PACRGL: variants seen among roughly 807,000 people sequenced by gnomAD.
PACRGL encodes the protein parkin coregulated like.
A neutral mutation model predicts 34.5 loss-of-function variants in PACRGL; 38 were observed. That is an observed-to-expected ratio of 1.10 (90% CI 0.85 to 1.44). The LOEUF is 1.44. Ranked by LOEUF, PACRGL falls within the 40% of genes most tolerant of loss-of-function variation. The pLI is 0.00. For missense variants in PACRGL, 305 were observed against 281.4 expected (o/e 1.08, Z -0.60); for synonymous variants, 128 against 100.1 (o/e 1.28, Z -1.66).
chr4:20,697,772 T>C (rs1731303544), upstream of PACRGL, among the ~76,000 whole-genome samples: 1 of 152,218 alleles, frequency 6.6e-6, no homozygotes, highest in Non-Finnish European at 1.5e-5. Context: ...GACTACTTTC[T>C]GGTTCACAGA....
downstream of PACRGL, chr4:20,732,926 G>A: frequency 1.7e-6 from 1 of 581,886 alleles, no homozygotes; most frequent in Non-Finnish European, 3.0e-6. Context: ...ACTGTTGGTT[G>A]TCCCAAAGGA....
chr4:20,748,595 T>C (rs1278157610), intron 8 of PACRGL, among the ~76,000 whole-genome samples: 1 of 108,306 alleles, frequency 9.2e-6, no homozygotes, highest in Non-Finnish European at 2.0e-5. Context: ...TATATATATA[T>C]ATATATATAT....
downstream of PACRGL, chr4:20,734,832 C>T (rs149194931): frequency 0.013 from 7,497 of 591,404 alleles, 163 homozygotes; most frequent in South Asian, 0.068. Context: ...CCCTCTGGAT[C>T]TTGAACATTT....
intron 7 of PACRGL, among the ~76,000 whole-genome samples, chr4:20,718,278 G>A (rs571460111): frequency 1.1e-3 from 174 of 152,138 alleles, no homozygotes; most frequent in Non-Finnish European, 1.9e-3. Flanking sequence ...ATCTGCAAAC[G>A]GGGACAATTT....
At position 20,728,542 on chromosome 4, in the gene PACRGL, T is replaced by TAGAAAGTACTGTAAGATTTAATTAATTAC. The variant is rs1344107513; in HGVS notation, c.*1203_*1231dup. On this transcript the variant is annotated 3_prime_UTR_variant, in exon 9 of 9. Coordinates refer to ENST00000503585, the MANE Select transcript of PACRGL (RefSeq NM_001258345.3). The stretch of plus-strand genomic sequence containing the variant: ...GCACCATCCAGAGCTATCTGCCATC[T>TAGAAAGTACTGTAAGATTTAATTAATTAC]AGAAAGTACTGTAAGATTTAATTAA... 6.6e-6 allele frequency: 1 copy of TAGAAAGTACTGTAAGATTTAATTAATTAC among 152,430 alleles called. No individual in the cohort carries two copies. Among genetic ancestry groups the TAGAAAGTACTGTAAGATTTAATTAATTAC allele is most frequent in the African/African-American group, 2.4e-5 (1 of 41,458 alleles). 9.4% of individuals were successfully genotyped at this position (152,430 alleles called of 1,614,324 possible). A position where few individuals can be genotyped will look rare whatever the true frequency, so the allele number is the denominator to read the frequency against.
intron 3 of PACRGL, among the ~76,000 whole-genome samples, chr4:20,705,774 T>C (rs1375118885): frequency 6.6e-6 from 1 of 151,634 alleles, no homozygotes; most frequent in African/African-American, 2.4e-5. Flanking sequence ...GGGAAATAGT[T>C]AAATAATTTG....
In PACRGL at chr4:20,728,798, G is replaced by A. The variant is rs896567395; in HGVS notation, c.*1457G>A. ...CACCAGAATAGATACCTGATTTATTGTTGCAAAGACAGTTGCAAATTTCCT... is the reference window on the plus strand; with the variant it reads ...CACCAGAATAGATACCTGATTTATTATTGCAAAGACAGTTGCAAATTTCCT... On this transcript the variant is annotated 3_prime_UTR_variant, in exon 9 of 9. Transcript: ENST00000503585. The A allele has an allele frequency of 1.3e-5, 2 of 152,490 alleles. No homozygotes were observed. Among genetic ancestry groups the A allele is most frequent in the African/African-American group, 2.4e-5 (1 of 41,396 alleles). The allele number at this position is 152,490 out of a possible 1,614,324, so 9.4% of individuals were successfully genotyped here. A position where few individuals can be genotyped will look rare whatever the true frequency, so the allele number is the denominator to read the frequency against.
Position 20,731,007 on chromosome 4 carries a change from A to G in PACRGL, c.*3666A>G, listed in dbSNP as rs919123598. Among the ~76,000 whole-genome samples the G allele has an allele frequency of 2.6e-5, 4 of 152,192 alleles. No homozygotes were observed. The highest frequency in any genetic ancestry group is 9.7e-5 in the African/African-American group (4 of 41,440). ...GCAGACATCCAGAAAAGTAAGAACA[A>G]CAATTTAAAAATAAAGAGAAAAACT... On this transcript the variant is annotated 3_prime_UTR_variant, in exon 9 of 9. Coordinates refer to ENST00000503585, the MANE Select transcript of PACRGL (RefSeq NM_001258345.3).
In PACRGL at chr4:20,728,914, T is replaced by TAAGATGATTAAAA. The variant is rs1746891654; in HGVS notation, c.*1575_*1587dup. ...AATGTGGCAACTTTACAGTTTTGGCTAAGATGATTAAAAATAATCTGAATT... is the reference window on the plus strand; with the variant it reads ...AATGTGGCAACTTTACAGTTTTGGCTAAGATGATTAAAAAAGATGATTAAAAATAATCTGAATT... On this transcript the variant is annotated 3_prime_UTR_variant, in exon 9 of 9. Coordinates refer to ENST00000503585, the MANE Select transcript of PACRGL (RefSeq NM_001258345.3). 1 of 131,774 alleles carries TAAGATGATTAAAA rather than the reference T, an allele frequency of 7.6e-6. No homozygotes were observed. Among genetic ancestry groups the TAAGATGATTAAAA allele is most frequent in the African/African-American group, 3.1e-5 (1 of 32,226 alleles). 8.2% of individuals were successfully genotyped at this position (131,774 alleles called of 1,614,324 possible).
At chr4:20,716,210 C>A in intron 7 of PACRGL, 1 of 914,072 alleles carries the variant, frequency 1.1e-6, no homozygotes. Context: ...GTTATGGTTT[C>A]TTACAACACA....
chr4:20,741,036 T>C (rs1051865839), intron 8 of PACRGL, among the ~76,000 whole-genome samples: 1 of 152,138 alleles, frequency 6.6e-6, no homozygotes, highest in African/African-American at 2.4e-5. Context: ...CCTAAATATA[T>C]ATGCACCAAT....
intron 3 of PACRGL, among the ~76,000 whole-genome samples, chr4:20,707,015 TA>T (rs1404600557): frequency 6.6e-6 from 1 of 152,092 alleles, no homozygotes; most frequent in African/African-American, 2.4e-5. Flanking sequence ...GTGTGTGACT[TA>T]AAAAAAATTA....
downstream of PACRGL, among the ~76,000 whole-genome samples, chr4:20,754,570 A>C (rs1276572870): frequency 6.6e-6 from 1 of 152,222 alleles, no homozygotes; most frequent in African/African-American, 2.4e-5. Flanking sequence ...ATTTTTAAAA[A>C]TGCAAAGCAA....
At chr4:20,749,541 A>G (rs2149337430) in intron 8 of PACRGL, 3 of 583,262 alleles carry the variant, frequency 5.1e-6, no homozygotes, top group African/African-American at 3.7e-5. Flanking sequence ...CATGAGAGAA[A>G]GGGAGTGTCC....
At chr4:20,725,373 ACACG>A (rs750022529) in intron 8 of PACRGL, among the ~76,000 whole-genome samples, 1 of 146,000 alleles carries the variant, frequency 6.8e-6, no homozygotes, top group African/African-American at 2.6e-5. Context: ...ACACACACAC[ACACG>A]GACACATATG....
intron 8 of PACRGL, among the ~76,000 whole-genome samples, chr4:20,748,073 T>C (rs2149331076): frequency 1.3e-5 from 2 of 152,260 alleles, no homozygotes; most frequent in East Asian, 3.9e-4. Flanking sequence ...TAGCTGCTAA[T>C]TACACTCCAT....
rs201793641 is a variant in PACRGL, at chr4:20,712,965, T to A, written c.501+43T>A. On this transcript the variant is annotated intron_variant, in intron 6 of 8. Transcript: ENST00000503585. ...TTGTACTTTATATTTGAAAACATGATAGAAAAGAAAGCTGTAATATATTTA... is the reference window on the plus strand; with the variant it reads ...TTGTACTTTATATTTGAAAACATGAAAGAAAAGAAAGCTGTAATATATTTA... 2,416 of 1,444,718 alleles carry A rather than the reference T, an allele frequency of 1.7e-3. 5 individuals carry two copies. Among genetic ancestry groups the A allele is most frequent in the Non-Finnish European group, 1.8e-3 (1,912 of 1,084,554 alleles). The allele number at this position is 1,444,718 out of a possible 1,614,324, so 89.5% of individuals were successfully genotyped here.
In PACRGL at chr4:20,731,019, T is replaced by C. The variant is rs986933187; in HGVS notation, c.*3678T>C. Reference sequence around the variant, plus strand: ...AAAAGTAAGAACAACAATTTAAAAATAAAGAGAAAAACTAAAGAAACAACG... The same window carrying C: ...AAAAGTAAGAACAACAATTTAAAAACAAAGAGAAAAACTAAAGAAACAACG... On this transcript the variant is annotated 3_prime_UTR_variant, in exon 9 of 9. Coordinates refer to ENST00000503585, the MANE Select transcript of PACRGL (RefSeq NM_001258345.3). Among the ~76,000 whole-genome samples the C allele has an allele frequency of 6.6e-6, 1 of 152,162 alleles. No homozygotes were observed. The highest frequency in any genetic ancestry group is 1.5e-5 in the Non-Finnish European group (1 of 68,028).
In PACRGL at chr4:20,730,777, G is replaced by C. The variant is rs1747905460; in HGVS notation, c.*3436G>C. ...TAGCATATTCTTTAGAAATGAGTTA[G>C]GGGACAGACTTTGGGCATTATTGGA... On this transcript the variant is annotated 3_prime_UTR_variant, in exon 9 of 9. Coordinates refer to ENST00000503585, the MANE Select transcript of PACRGL (RefSeq NM_001258345.3). Among the ~76,000 whole-genome samples, 1 of 152,182 alleles carries C rather than the reference G, an allele frequency of 6.6e-6. No individual in the cohort carries two copies. The highest frequency in any genetic ancestry group is 2.4e-5 in the African/African-American group (1 of 41,444).
Sources: allele counts gnomAD v4.1 joint callset (sites outside exome capture counted in the v4.1 genomes callset), GRCh38; gene constraint gnomAD v4.1.1; transcripts MANE v1.5; gene names NCBI Gene and HGNC (gene_info 2026-07-23, HGNC 2026-07-21).